Variants in ARL15 observed in about 807,000 individuals in gnomAD.
ARL15 encodes ARF like GTPase 15, also known as ADP-ribosylation factor-like protein 15.
ARL15 carries 19 observed loss-of-function variants against 25.2 expected under a neutral mutation model. The ratio of observed to expected loss-of-function variants is 0.75; its 90% confidence interval spans 0.53 to 1.10. The LOEUF is 1.10. Among genes scored for constraint, ARL15 ranks in the 50% least tolerant of loss-of-function variants. ARL15 has a pLI of 0.00. For missense variants in ARL15, 220 were observed against 246.0 expected, an observed-to-expected ratio of 0.89 and a Z score of 0.71; for synonymous variants, 94 against 86.8, an observed-to-expected ratio of 1.08 and a Z score of -0.46.
intron 1 of ARL15, among the ~76,000 whole-genome samples, chr5:54,309,414 C>CTTAA (rs1330564834): frequency 1.3e-5 from 2 of 152,242 alleles, no homozygotes; most frequent in African/African-American, 2.4e-5. Flanking sequence ...TCAGTACAGC[C>CTTAA]TTAAGTGTAA....
chr5:54,278,797 C>T (rs908749522), intron 1 of ARL15, among the ~76,000 whole-genome samples: 2 of 152,174 alleles, frequency 1.3e-5, no homozygotes, highest in Non-Finnish European at 2.9e-5. Flanking sequence ...AAAGGTCTGT[C>T]TACTCCAAAC....
At chr5:54,001,465 T>C (rs58369491) in intron 4 of ARL15, among the ~76,000 whole-genome samples, 41,804 of 151,926 alleles carry the variant, frequency 0.28, 5,955 homozygotes, top group East Asian at 0.45. Context: ...CTATCTGGTT[T>C]CCAGAACATT....
chr5:54,280,786 A>T (rs1159087961), intron 1 of ARL15, among the ~76,000 whole-genome samples: 1 of 152,216 alleles, frequency 6.6e-6, no homozygotes, highest in African/African-American at 2.4e-5. Context: ...TTTAAAAGTA[A>T]GTATCACTAT....
At chr5:54,206,132 T>C (rs1046485712) in intron 1 of ARL15, among the ~76,000 whole-genome samples, 2 of 152,182 alleles carry the variant, frequency 1.3e-5, no homozygotes, top group East Asian at 1.9e-4. Context: ...CCAAAGTCTA[T>C]GTCTGTTTAA....
chr5:53,944,128 T>C (rs966900652), intron 4 of ARL15, among the ~76,000 whole-genome samples: 3 of 152,174 alleles, frequency 2.0e-5, no homozygotes, highest in African/African-American at 4.8e-5. Context: ...AACACCACCA[T>C]GTCTGGCACA....
chr5:54,099,001 A>G (rs1309469600), intron 4 of ARL15, among the ~76,000 whole-genome samples: 1 of 152,178 alleles, frequency 6.6e-6, no homozygotes, highest in Non-Finnish European at 1.5e-5. Flanking sequence ...TAACCTCTTG[A>G]GCCTTCAAAG....
At chr5:54,161,705 T>C (rs1409022266) in intron 2 of ARL15, among the ~76,000 whole-genome samples, 1 of 152,236 alleles carries the variant, frequency 6.6e-6, no homozygotes, top group East Asian at 1.9e-4. Context: ...TGCTTATCTG[T>C]AATATCTGAT....
At chr5:54,111,852 G>T (rs1667325196) in intron 4 of ARL15, among the ~76,000 whole-genome samples, 1 of 151,930 alleles carries the variant, frequency 6.6e-6, no homozygotes, top group Admixed American at 6.6e-5. Context: ...TACTCTATAG[G>T]CAGAAAAACT....
rs1251441154 is a variant in ARL15 at position 54,132,473 on chromosome 5, A to G, written c.254-19063T>C. On this transcript the variant is annotated intron_variant, in intron 3 of 4. Coordinates refer to ENST00000504924, the MANE Select transcript of ARL15 (RefSeq NM_019087.3). ...TTCACTAAAAACAGTCATATTTTTA[A>G]GAGCAAAATAATCAATAGACACAAA... Among the ~76,000 whole-genome samples the G allele has an allele frequency of 2.6e-5, 4 of 152,318 alleles. No homozygotes were observed. The East Asian group carries it at 7.7e-4, about 29-fold the overall frequency.
intron 4 of ARL15, among the ~76,000 whole-genome samples, chr5:53,927,787 G>A (rs1746075405): frequency 1.3e-5 from 2 of 152,136 alleles, no homozygotes; most frequent in Non-Finnish European, 1.5e-5. Flanking sequence ...AAAAATGTAT[G>A]ATTTGAAAGA....
chr5:54,297,429 G>C (rs989005134), intron 1 of ARL15, among the ~76,000 whole-genome samples: 3 of 152,226 alleles, frequency 2.0e-5, no homozygotes, highest in African/African-American at 7.2e-5. Context: ...CCTGGAGTTT[G>C]TTTTGTTGTG....
intron 4 of ARL15, chr5:53,887,297 T>A (rs903342282): frequency 5.6e-5 from 38 of 684,476 alleles, no homozygotes; most frequent in South Asian, 1.6e-5. Context: ...CATGTATGTA[T>A]GTTTGTATGC....
chr5:54,082,806 C>G (rs1474185430), intron 4 of ARL15, among the ~76,000 whole-genome samples: 1 of 152,048 alleles, frequency 6.6e-6, no homozygotes, highest in Non-Finnish European at 1.5e-5. Context: ...TGCAAAATCA[C>G]CTTTTGATTA....
intron 4 of ARL15, among the ~76,000 whole-genome samples, chr5:53,994,803 T>C (rs957256859): frequency 6.6e-5 from 10 of 152,164 alleles, no homozygotes; most frequent in African/African-American, 2.2e-4. Context: ...ATTAGAGCCA[T>C]TTAAATGAAA....
intron 1 of ARL15, among the ~76,000 whole-genome samples, chr5:54,179,166 C>T (rs1033628529): frequency 3.3e-5 from 5 of 151,980 alleles, no homozygotes; most frequent in South Asian, 4.2e-4. Context: ...TTTCTGAGGG[C>T]GTGTCATTCA....
intron 4 of ARL15, among the ~76,000 whole-genome samples, chr5:54,039,071 C>T (rs1022608747): frequency 2.6e-5 from 4 of 152,178 alleles, no homozygotes; most frequent in Non-Finnish European, 4.4e-5. Context: ...CTCTGCGATT[C>T]CAGCAATCAT....
intron 4 of ARL15, among the ~76,000 whole-genome samples, chr5:54,019,164 G>GTT (rs80068965): frequency 1.4e-5 from 2 of 145,448 alleles, no homozygotes; most frequent in Non-Finnish European, 1.5e-5. Context: ...AGATAAACAG[G>GTT]TTTTTTTTTT....
intron 1 of ARL15, among the ~76,000 whole-genome samples, chr5:54,268,249 T>A (rs1174800193): frequency 5.9e-5 from 9 of 152,188 alleles, no homozygotes; most frequent in Non-Finnish European, 8.8e-5. Flanking sequence ...TTTCTTCCAG[T>A]TGATCGCATC....
At chr5:53,913,294 T>C (rs1424656634) in intron 4 of ARL15, among the ~76,000 whole-genome samples, 1 of 152,138 alleles carries the variant, frequency 6.6e-6, no homozygotes, top group Non-Finnish European at 1.5e-5. Flanking sequence ...CAGAGTGATA[T>C]TCTGTGTCAA....
Sources: gnomAD v4.1 joint callset for allele counts (sites outside exome capture counted in the v4.1 genomes callset) on GRCh38, gnomAD v4.1.1 for gene constraint, MANE v1.5 for transcripts, NCBI Gene and HGNC (gene_info 2026-07-23, HGNC 2026-07-21) for gene names.